Variants in MARCHF1 observed in about 807,000 individuals in gnomAD.
The protein encoded by MARCHF1 is E3 ubiquitin-protein ligase MARCHF1.
A neutral mutation model predicts 54.2 loss-of-function variants in MARCHF1; 40 were observed. The ratio of observed to expected loss-of-function variants is 0.74; its 90% CI spans 0.57 to 0.96. The LOEUF is 0.96. Ranked by LOEUF, MARCHF1 falls within the 40% of genes least tolerant of loss-of-function variation. The pLI is 0.00. For missense variants in MARCHF1, 586 were observed against 656.5 expected (o/e 0.89, Z 1.17); for synonymous variants, 236 against 236.3 (o/e 1.00, Z 0.01).
intron 7 of MARCHF1, among the ~76,000 whole-genome samples, chr4:163,599,589 C>T (rs923013687): frequency 1.3e-5 from 2 of 152,106 alleles, no homozygotes; most frequent in Non-Finnish European, 2.9e-5. Flanking sequence ...TATACCTATC[C>T]CCATGCACAG....
In MARCHF1 at chr4:163,612,674, T is replaced by C; in HGVS notation, c.607A>G (p.Thr203Ala). ...KPCENLAGSS[T>A]PNGIELVDLG... ...TCAACGAGCTCAATTCCGTTAGGAG[T>C]GGAAGACCCAGCTAAGTTTTCACAC... The change falls in exon 7 of 10, where the codon ACT (threonine) becomes GCT (alanine). Residue 203 changes from threonine to alanine, a missense_variant. Coordinates refer to ENST00000514618, the MANE Select transcript of MARCHF1 (RefSeq NM_001394959.1). 6.5e-7 allele frequency: 1 copy of C among 1,535,522 alleles called. No individual in the cohort carries two copies. Among genetic ancestry groups the C allele is most frequent in the Non-Finnish European group, 8.7e-7 (1 of 1,146,522 alleles).
intron 1 of MARCHF1, among the ~76,000 whole-genome samples, chr4:164,302,935 C>T (rs901179455): frequency 6.8e-6 from 1 of 146,668 alleles, no homozygotes; most frequent in Non-Finnish European, 1.5e-5. Context: ...AAAGAATAAA[C>T]TCTATCTGCA....
intron 2 of MARCHF1, among the ~76,000 whole-genome samples, chr4:164,038,162 G>T (rs1754049190): frequency 6.6e-6 from 1 of 152,086 alleles, no homozygotes; most frequent in Non-Finnish European, 1.5e-5. Flanking sequence ...TCTTACAACT[G>T]CACACAAATT....
At chr4:163,642,046 T>C (rs1742573669) in intron 5 of MARCHF1, among the ~76,000 whole-genome samples, 1 of 152,200 alleles carries the variant, frequency 6.6e-6, no homozygotes, top group Admixed American at 6.5e-5. Flanking sequence ...TCTTCAGTGA[T>C]CGTATTGTTT....
chr4:163,623,398 G>A (rs766791012), intron 5 of MARCHF1, among the ~76,000 whole-genome samples: 11 of 152,204 alleles, frequency 7.2e-5, no homozygotes, highest in Non-Finnish European at 1.5e-4. Flanking sequence ...ATCAGCTGTA[G>A]CACTGGTGAA....
chr4:164,176,249 A>G (rs964201307), intron 1 of MARCHF1, among the ~76,000 whole-genome samples: 1 of 152,200 alleles, frequency 6.6e-6, no homozygotes, highest in African/African-American at 2.4e-5. Context: ...GTCGCATGCA[A>G]CAGATGTAAT....
At chr4:163,886,265 GTAGA>G in intron 3 of MARCHF1, among the ~76,000 whole-genome samples, 1 of 149,436 alleles carries the variant, frequency 6.7e-6, no homozygotes, top group East Asian at 2.0e-4. Flanking sequence ...AGATATATAG[GTAGA>G]TATAGATAGA....
At chr4:163,865,677 A>C (rs1176991893) in intron 3 of MARCHF1, among the ~76,000 whole-genome samples, 5 of 151,788 alleles carry the variant, frequency 3.3e-5, no homozygotes, top group African/African-American at 1.2e-4. Flanking sequence ...TATTTAATAT[A>C]AATATTTTAC....
At chr4:163,733,595 T>C (rs1310100280) in intron 4 of MARCHF1, among the ~76,000 whole-genome samples, 3 of 151,634 alleles carry the variant, frequency 2.0e-5, no homozygotes, top group Admixed American at 6.6e-5. Flanking sequence ...CCTAATGCTA[T>C]CCCTCCCCGC....
At chr4:164,178,736 A>G (rs1173884783) in intron 1 of MARCHF1, among the ~76,000 whole-genome samples, 1 of 152,156 alleles carries the variant, frequency 6.6e-6, no homozygotes, top group Non-Finnish European at 1.5e-5. Context: ...GTCTAATAAT[A>G]ATAAAATTTT....
chr4:164,227,521 T>G (rs1245992551), intron 1 of MARCHF1, among the ~76,000 whole-genome samples: 2 of 152,124 alleles, frequency 1.3e-5, no homozygotes, highest in Admixed American at 1.3e-4. Flanking sequence ...TCATATAGAC[T>G]ATGCTAAAGT....
chr4:163,625,905 A>G lies in MARCHF1; in HGVS notation c.163-12512T>C, dbSNP rs1445369093. 2.6e-5 allele frequency among the ~76,000 whole-genome samples: 4 copies of G among 152,358 alleles called. No individual in the cohort carries two copies. In the East Asian group the frequency reaches 5.8e-4, roughly 22 times the overall value. On this transcript the variant is annotated intron_variant, in intron 5 of 9. Coordinates refer to ENST00000514618, the MANE Select transcript of MARCHF1 (RefSeq NM_001394959.1). ...AAATGAATTAATGTCTTTTAAACACATGGCCCTATTCAGCAGCAATGTATT... is the reference window on the plus strand; with the variant it reads ...AAATGAATTAATGTCTTTTAAACACGTGGCCCTATTCAGCAGCAATGTATT...
intron 4 of MARCHF1, among the ~76,000 whole-genome samples, chr4:163,723,383 T>C (rs185276720): frequency 2.0e-4 from 31 of 152,354 alleles, no homozygotes; most frequent in East Asian, 1.9e-3. Context: ...GAGTTTCTGC[T>C]GAGAGATCAG....
chr4:163,735,972 T>C (rs1045970945), intron 4 of MARCHF1, among the ~76,000 whole-genome samples: 1 of 152,154 alleles, frequency 6.6e-6, no homozygotes. Context: ...TATGTACATA[T>C]GATAAAGTTC....
At position 163,966,032 on chromosome 4, in the gene MARCHF1, T is replaced by G. The variant is rs185119644; in HGVS notation, c.-39+22469A>C. On this transcript the variant is annotated intron_variant, in intron 3 of 9. Transcript: ENST00000514618. ...TTTAAGTATTTTTGGTATCTGATGC[T>G]ACGGTTTATTACAAACAGCTACTGT... is the stretch of plus-strand genomic sequence containing the variant. Among the ~76,000 whole-genome samples the G allele has an allele frequency of 2.6e-5, 4 of 152,216 alleles. No individual in the cohort carries two copies. The East Asian group carries it at 7.7e-4, about 29-fold the overall frequency.
At chr4:164,085,918 C>T (rs4691953) in intron 2 of MARCHF1, among the ~76,000 whole-genome samples, 1 of 151,484 alleles carries the variant, frequency 6.6e-6, no homozygotes, top group Non-Finnish European at 1.5e-5. Context: ...AAAAATAAAT[C>T]TTGGCAAACT....
At chr4:164,280,999 T>TC (rs1245572006) in intron 1 of MARCHF1, among the ~76,000 whole-genome samples, 1 of 152,136 alleles carries the variant, frequency 6.6e-6, no homozygotes. Flanking sequence ...TCTTCTAATT[T>TC]CCTCCATAAA....
At chr4:163,625,483 ATAG>A (rs1359597707) in intron 5 of MARCHF1, among the ~76,000 whole-genome samples, 2 of 152,256 alleles carry the variant, frequency 1.3e-5, no homozygotes, top group African/African-American at 4.8e-5. Context: ...GAGTGTGGTA[ATAG>A]TAGAATTGAG....
At chr4:163,917,085 G>A (rs1436772648) in intron 3 of MARCHF1, among the ~76,000 whole-genome samples, 1 of 152,058 alleles carries the variant, frequency 6.6e-6, no homozygotes, top group Non-Finnish European at 1.5e-5. Flanking sequence ...TGTTCTATGT[G>A]TGGAATCACA....
Sources: allele counts gnomAD v4.1 joint callset (sites outside exome capture counted in the v4.1 genomes callset), GRCh38; gene constraint gnomAD v4.1.1; transcripts MANE v1.5; gene names NCBI Gene and HGNC (gene_info 2026-07-23, HGNC 2026-07-21).